LRRC1: variants seen among roughly 807,000 people sequenced by gnomAD.
LRRC1 encodes the protein leucine-rich repeat-containing protein 1.
In LRRC1, 28 loss-of-function variants were observed where a neutral mutation model predicts 69.9. The observed-to-expected ratio is 0.40, with a 90% CI of 0.30 to 0.55. The LOEUF is 0.55. Ranked by LOEUF, LRRC1 falls within the 20% of genes least tolerant of loss-of-function variation. LRRC1 has a pLI of 0.47. For missense variants in LRRC1, 498 were observed against 609.0 expected, an observed-to-expected ratio of 0.82 and a Z score of 1.92; for synonymous variants, 236 against 240.2, an observed-to-expected ratio of 0.98 and a Z score of 0.16.
intron 11 of LRRC1, chr6:53,919,227 CTCT>C (rs1377366155): frequency 2.7e-5 from 3 of 111,426 alleles, no homozygotes; most frequent in Non-Finnish European, 5.0e-5. Flanking sequence ...AATTTTCTCT[CTCT>C]TTTTTTTTTT....
At chr6:53,828,287 A>T (rs1225256801) in intron 1 of LRRC1, among the ~76,000 whole-genome samples, 1 of 152,110 alleles carries the variant, frequency 6.6e-6, no homozygotes, top group Non-Finnish European at 1.5e-5. Context: ...AGTTGAGTTC[A>T]TTTGCCATCT....
intron 1 of LRRC1, among the ~76,000 whole-genome samples, chr6:53,822,643 C>T (rs189392745): frequency 6.6e-5 from 10 of 152,208 alleles, no homozygotes; most frequent in Non-Finnish European, 1.2e-4. Context: ...GACTGGTTCA[C>T]GCAGGATTAC....
chr6:53,917,077 C>CA (rs1768588916), intron 11 of LRRC1, among the ~76,000 whole-genome samples: 1 of 152,026 alleles, frequency 6.6e-6, no homozygotes, highest in Non-Finnish European at 1.5e-5. Context: ...CAGAATAAAC[C>CA]AAAAATGTAT....
chr6:53,870,122 C>G (rs1766834226), intron 2 of LRRC1, among the ~76,000 whole-genome samples: 1 of 152,178 alleles, frequency 6.6e-6, no homozygotes, highest in African/African-American at 2.4e-5. Context: ...AACCGGACCT[C>G]TAGGTCTGCT....
At position 53,917,435 on chromosome 6, in the gene LRRC1, A is replaced by G. The variant is rs138893452; in HGVS notation, c.1107-2063A>G. ...CATTAATTTGAGTTGAAATATGTTGATAAGATTTGTTGTTGTAGAGTCTAA... is the reference window on the plus strand; with the variant it reads ...CATTAATTTGAGTTGAAATATGTTGGTAAGATTTGTTGTTGTAGAGTCTAA... On this transcript the variant is annotated intron_variant, in intron 11 of 13. Coordinates refer to ENST00000370888, the MANE Select transcript of LRRC1 (RefSeq NM_018214.5). 3.1e-3 allele frequency among the ~76,000 whole-genome samples: 466 copies of G among 152,318 alleles called. 8 individuals carry two copies. Among genetic ancestry groups the G allele is most frequent in the African/African-American group, 0.01 (435 of 41,564 alleles).
At chr6:53,843,970 G>A (rs1315993788) in intron 2 of LRRC1, among the ~76,000 whole-genome samples, 1 of 152,190 alleles carries the variant, frequency 6.6e-6, no homozygotes, top group African/African-American at 2.4e-5. Context: ...ATAGGGTACA[G>A]GTCAGGTTAC....
chr6:53,902,781 T>G (rs768013325), intron 9 of LRRC1, 34 bp downstream of exon 9: 2 of 1,302,168 alleles, frequency 1.5e-6, no homozygotes, highest in Non-Finnish European at 2.2e-6. Flanking sequence ...CATAAAGACT[T>G]ACTAGGGTAG....
intron 11 of LRRC1, among the ~76,000 whole-genome samples, chr6:53,916,010 CTG>C (rs3836941): frequency 0.2 from 29,891 of 152,132 alleles, 3,380 homozygotes; most frequent in East Asian, 0.48. Flanking sequence ...GAAACCTACA[CTG>C]TGAGTTTCTA....
At chr6:53,847,658 G>A (rs1765990308) in intron 2 of LRRC1, among the ~76,000 whole-genome samples, 1 of 152,202 alleles carries the variant, frequency 6.6e-6, no homozygotes, top group Admixed American at 6.5e-5. Flanking sequence ...CTAGAGGCTG[G>A]ACTTTGAGTG....
At chr6:53,920,938 A>G (rs961604118) in intron 13 of LRRC1, 177 bp downstream of exon 13, 2 of 666,122 alleles carry the variant, frequency 3.0e-6, no homozygotes, top group African/African-American at 3.7e-5. Flanking sequence ...ACAAAAGGTA[A>G]ATGAGGCAAA....
At chr6:53,864,271 A>G (rs551062517) in intron 2 of LRRC1, among the ~76,000 whole-genome samples, 1 of 152,214 alleles carries the variant, frequency 6.6e-6, no homozygotes, top group South Asian at 2.1e-4. Context: ...TCATAACAGC[A>G]GGTTCACTTC....
At position 53,808,442 on chromosome 6, in the gene LRRC1, T is replaced by C. The variant is rs111860340; in HGVS notation, c.159+13027T>C. ...TAGAATTTAGGAGAGGAAACCTGGG[T>C]AATTGATAATTATAATAATGATAGT... On this transcript the variant is annotated intron_variant, in intron 1 of 13. Coordinates refer to ENST00000370888, the MANE Select transcript of LRRC1 (RefSeq NM_018214.5). Among the ~76,000 whole-genome samples, 448 of 152,214 alleles carry C rather than the reference T, an allele frequency of 2.9e-3. 2 individuals carry two copies. The highest frequency in any genetic ancestry group is 5.0e-3 in the Non-Finnish European group (340 of 68,006).
rs41273884 is a variant in LRRC1, at chr6:53,899,706, A to G, written c.643-41A>G. 4,823 of 1,599,084 alleles carry G rather than the reference A, an allele frequency of 3.0e-3. 8 individuals are homozygous for G. The highest frequency in any genetic ancestry group is 3.6e-3 in the Non-Finnish European group (4,183 of 1,169,920). On this transcript the variant is annotated intron_variant, in intron 7 of 13. Coordinates refer to ENST00000370888, the MANE Select transcript of LRRC1 (RefSeq NM_018214.5). The stretch of plus-strand genomic sequence containing the variant: ...GGAACAAATGCCTCTGCACTGTGGC[A>G]GGTTTAAGTGTGCGTTTATTTTTCC...
At chr6:53,889,515 G>A (rs563898302) in intron 4 of LRRC1, among the ~76,000 whole-genome samples, 9 of 152,190 alleles carry the variant, frequency 5.9e-5, no homozygotes, top group African/African-American at 1.2e-4. Context: ...AACTTTGAAA[G>A]CATGTTAAGT....
intron 3 of LRRC1, among the ~76,000 whole-genome samples, chr6:53,881,339 T>G (rs996654067): frequency 1.2e-4 from 19 of 152,232 alleles, no homozygotes; most frequent in Admixed American, 1.3e-4. Flanking sequence ...TACTTCCTCA[T>G]CACATCTAGT....
At chr6:53,911,901 G>C (rs1768423959) in intron 10 of LRRC1, among the ~76,000 whole-genome samples, 1 of 152,176 alleles carries the variant, frequency 6.6e-6, no homozygotes, top group Non-Finnish European at 1.5e-5. Context: ...TCAAGGGAGG[G>C]AGAATATGCT....
chr6:53,922,850 T>C lies in LRRC1; in HGVS notation c.*57T>C. 1 of 1,556,500 alleles carries C rather than the reference T, an allele frequency of 6.4e-7. No individual in the cohort carries two copies. The highest frequency in any genetic ancestry group is 2.3e-5 in the East Asian group (1 of 44,386). Reference sequence around the variant, plus strand: ...TTCCTCTGCTGTCGAGACGTTCCTGTCTGCTTCCCGGGAGCCTCACGTGCT... The same window carrying C: ...TTCCTCTGCTGTCGAGACGTTCCTGCCTGCTTCCCGGGAGCCTCACGTGCT... On this transcript the variant is annotated 3_prime_UTR_variant, in exon 14 of 14. Transcript: ENST00000370888.
At chr6:53,852,445 T>C (rs1766168418) in intron 2 of LRRC1, among the ~76,000 whole-genome samples, 1 of 152,176 alleles carries the variant, frequency 6.6e-6, no homozygotes, top group Admixed American at 6.5e-5. Context: ...TTCTAGATAC[T>C]GTGCACCCAT....
intron 1 of LRRC1, among the ~76,000 whole-genome samples, chr6:53,833,997 C>T (rs1455418354): frequency 6.6e-6 from 1 of 152,190 alleles, no homozygotes; most frequent in Non-Finnish European, 1.5e-5. Context: ...GCCAGTTGAA[C>T]AGTGTCATCC....
Sources: allele counts gnomAD v4.1 joint callset (sites outside exome capture counted in the v4.1 genomes callset), GRCh38; gene constraint gnomAD v4.1.1; transcripts MANE v1.5; gene names NCBI Gene and HGNC (gene_info 2026-07-23, HGNC 2026-07-21).